GPATCH2: variants seen among roughly 807,000 people sequenced by gnomAD.
GPATCH2 encodes the protein G-patch domain containing 2, also known as G patch domain-containing protein 2.
Under a neutral mutation model 58.0 loss-of-function variants are expected in GPATCH2, and 51 were observed. That is an observed-to-expected ratio of 0.88 (90% CI 0.70 to 1.11). The LOEUF (loss-of-function observed/expected upper bound fraction) is 1.11, where lower values mean the gene tolerates loss of function less well. Among genes scored for constraint, GPATCH2 ranks in the 50% most tolerant of loss-of-function variants. GPATCH2 has a pLI of 0.00. For synonymous variants in GPATCH2, 222 were observed against 218.5 expected, an observed-to-expected ratio of 1.02 and a Z score of -0.14; for missense variants, 625 against 652.2, an observed-to-expected ratio of 0.96 and a Z score of 0.45.
At chr1:217,458,407 A>G (rs1660053581) in intron 8 of GPATCH2, among the ~76,000 whole-genome samples, 1 of 152,202 alleles carries the variant, frequency 6.6e-6, no homozygotes, top group African/African-American at 2.4e-5. Context: ...CACACAAATG[A>G]TAACTGAAAA....
At chr1:217,466,053 T>G (rs1304542099) in intron 8 of GPATCH2, among the ~76,000 whole-genome samples, 3 of 152,164 alleles carry the variant, frequency 2.0e-5, no homozygotes, top group African/African-American at 7.2e-5. Flanking sequence ...GGATTGCATA[T>G]CTGGCCAAAA....
chr1:217,498,723 C>T (rs1662138200), intron 6 of GPATCH2: 1 of 433,894 alleles, frequency 2.3e-6, no homozygotes, highest in South Asian at 2.5e-5. Flanking sequence ...TCATTTACCA[C>T]AACTTAATTA....
At chr1:217,485,951 C>T (rs1176092516) in intron 8 of GPATCH2, among the ~76,000 whole-genome samples, 1 of 152,202 alleles carries the variant, frequency 6.6e-6, no homozygotes, top group African/African-American at 2.4e-5. Context: ...ATAATAAAGT[C>T]TTCAAATAAC....
intron 5 of GPATCH2, 128 bp downstream of exon 5, chr1:217,610,193 C>A: frequency 6.3e-7 from 1 of 1,594,358 alleles, no homozygotes; most frequent in African/African-American, 1.3e-5. Context: ...AGTTTGTAGC[C>A]TACAAAAAAA....
chr1:217,514,124 G>GC (rs562833618), intron 6 of GPATCH2, among the ~76,000 whole-genome samples: 12 of 149,534 alleles, frequency 8.0e-5, no homozygotes, highest in Admixed American at 4.0e-4. Flanking sequence ...ACCATGCCTG[G>GC]CCCCCCCGCA....
intron 1 of GPATCH2, among the ~76,000 whole-genome samples, chr1:217,629,826 T>G (rs1436895218): frequency 3.9e-5 from 6 of 152,210 alleles, no homozygotes; most frequent in Non-Finnish European, 8.8e-5. Flanking sequence ...CAAATCTATA[T>G]TCACTATAAA....
intron 5 of GPATCH2, among the ~76,000 whole-genome samples, chr1:217,586,694 T>C (rs1667357321): frequency 6.6e-6 from 1 of 152,264 alleles, no homozygotes; most frequent in South Asian, 2.1e-4. Flanking sequence ...AACTATTATG[T>C]ATGGTACATA....
intron 5 of GPATCH2, among the ~76,000 whole-genome samples, chr1:217,586,042 G>C (rs1334796370): frequency 5.3e-5 from 8 of 152,156 alleles, no homozygotes; most frequent in Non-Finnish European, 1.2e-4. Context: ...ACCATGAATG[G>C]AGCTTGCAGT....
At position 217,430,560 on chromosome 1, in the gene GPATCH2, A is replaced by C. The variant is rs1195767467; in HGVS notation, c.*585T>G. The stretch of plus-strand genomic sequence containing the variant: ...AGGGAAACATTAATTGTTGTTTGTC[A>C]ACTGTGAACTTCACACTACATTGTC... On this transcript the variant is annotated 3_prime_UTR_variant, in exon 10 of 10. Coordinates refer to ENST00000366935, the MANE Select transcript of GPATCH2 (RefSeq NM_018040.5). The C allele has an allele frequency of 6.6e-6, 1 of 152,372 alleles. No individual in the cohort carries two copies. Among genetic ancestry groups the C allele is most frequent in the Non-Finnish European group, 1.5e-5 (1 of 68,164 alleles). The allele number at this position is 152,372 out of a possible 1,614,324, so 9.4% of individuals were successfully genotyped here.
intron 6 of GPATCH2, among the ~76,000 whole-genome samples, chr1:217,508,825 GTTATC>G (rs1275673746): frequency 6.6e-6 from 1 of 151,738 alleles, no homozygotes. Flanking sequence ...TAGCTCTCTA[GTTATC>G]TTAGTCAGTA....
intron 5 of GPATCH2, among the ~76,000 whole-genome samples, chr1:217,520,084 T>A (rs1663374913): frequency 1.3e-5 from 2 of 152,216 alleles, no homozygotes; most frequent in Admixed American, 1.3e-4. Flanking sequence ...TGTGTTTATA[T>A]GGCAGGCCTG....
intron 8 of GPATCH2, among the ~76,000 whole-genome samples, chr1:217,482,196 A>G (rs941603830): frequency 1.3e-5 from 2 of 152,196 alleles, no homozygotes; most frequent in Non-Finnish European, 2.9e-5. Context: ...TTTTAAATTT[A>G]TTCTACAAAT....
At chr1:217,609,053 A>G (rs1445919550) in intron 5 of GPATCH2, 1 of 779,484 alleles carries the variant, frequency 1.3e-6, no homozygotes. Context: ...CAATTAATCC[A>G]TACAATAATA....
At chr1:217,568,079 T>C (rs573594507) in intron 5 of GPATCH2, among the ~76,000 whole-genome samples, 2 of 152,172 alleles carry the variant, frequency 1.3e-5, no homozygotes, top group Admixed American at 6.5e-5. Context: ...ATCGTGCCAC[T>C]GCACTCCAGC....
chr1:217,587,383 C>T (rs537616144), intron 5 of GPATCH2, among the ~76,000 whole-genome samples: 20 of 152,212 alleles, frequency 1.3e-4, no homozygotes, highest in African/African-American at 4.8e-4. Flanking sequence ...TTTTCCATAT[C>T]CTACAAAATG....
intron 5 of GPATCH2, among the ~76,000 whole-genome samples, chr1:217,574,244 T>C (rs1469244862): frequency 6.6e-6 from 1 of 152,218 alleles, no homozygotes; most frequent in Non-Finnish European, 1.5e-5. Context: ...TTTACATTTT[T>C]ATATATTCAG....
chr1:217,499,885 T>C (rs1221297951), intron 6 of GPATCH2, among the ~76,000 whole-genome samples: 4 of 152,132 alleles, frequency 2.6e-5, no homozygotes, highest in Non-Finnish European at 4.4e-5. Context: ...TCAACTCTTT[T>C]AGTCTTTTCA....
At chr1:217,604,129 T>C (rs1668243912) in intron 5 of GPATCH2, among the ~76,000 whole-genome samples, 1 of 151,786 alleles carries the variant, frequency 6.6e-6, no homozygotes, top group African/African-American at 2.4e-5. Context: ...GGTGGAAGGA[T>C]CACCTGAGGT....
intron 5 of GPATCH2, among the ~76,000 whole-genome samples, chr1:217,553,248 T>C (rs1404783070): frequency 2.6e-5 from 4 of 152,110 alleles, no homozygotes; most frequent in African/African-American, 7.2e-5. Flanking sequence ...TACCTATCAG[T>C]AGCTAAATTT....
Sources: gnomAD v4.1 joint callset for allele counts (sites outside exome capture counted in the v4.1 genomes callset) on GRCh38, gnomAD v4.1.1 for gene constraint, MANE v1.5 for transcripts, NCBI Gene and HGNC (gene_info 2026-07-23, HGNC 2026-07-21) for gene names.